The following ARHGEF3 variants were observed in gnomAD, a reference collection of about 807,000 sequenced individuals.
ARHGEF3 encodes the protein Rho guanine nucleotide exchange factor 3.
Under a neutral mutation model 63.2 loss-of-function variants are expected in ARHGEF3, and 28 were observed. The ratio of observed to expected loss-of-function variants is 0.44; its 90% confidence interval spans 0.33 to 0.61. The LOEUF is 0.61. ARHGEF3 is among the 20% of genes least tolerant of loss of function. ARHGEF3 has a pLI of 0.03. For synonymous variants in ARHGEF3, 266 were observed against 254.2 expected (o/e 1.05, Z -0.44); for missense variants, 533 against 659.3 (o/e 0.81, Z 2.10).
Position 57,012,232 on chromosome 3 carries a change from G to A in ARHGEF3, c.62+22856C>T, listed in dbSNP as rs376757011. Among the ~76,000 whole-genome samples, 29 of 152,238 alleles carry A rather than the reference G, an allele frequency of 1.9e-4. No individual in the cohort carries two copies. The South Asian group carries it at 4.4e-3, about 23-fold the overall frequency. Reference sequence around the variant, plus strand: ...TCAGCACTTAAATCTGTACCTGGTCGTGAACTAAGCCCTCTTTTGTTATTG... The same window carrying A: ...TCAGCACTTAAATCTGTACCTGGTCATGAACTAAGCCCTCTTTTGTTATTG... On this transcript the variant is annotated intron_variant, in intron 2 of 12. Transcript: ENST00000338458.
chr3:56,925,889 C>T (rs1423268175), intron 3 of ARHGEF3, among the ~76,000 whole-genome samples: 2 of 152,212 alleles, frequency 1.3e-5, no homozygotes, highest in African/African-American at 2.4e-5. Flanking sequence ...TGGTATTCTA[C>T]CCATCACCCA....
chr3:56,777,181 G>C (rs375245663), intron 1 of ARHGEF3, among the ~76,000 whole-genome samples: 7 of 152,148 alleles, frequency 4.6e-5, no homozygotes, highest in African/African-American at 1.7e-4. Context: ...CCTTTAACAC[G>C]CAGAGAAAGT....
chr3:57,067,953 G>A (rs1320840402), intron 1 of ARHGEF3, among the ~76,000 whole-genome samples: 5 of 151,936 alleles, frequency 3.3e-5, no homozygotes, highest in Admixed American at 3.3e-4. Context: ...TCACACCACT[G>A]CACTCCAGCC....
chr3:57,059,963 T>A (rs1191026690), intron 1 of ARHGEF3, among the ~76,000 whole-genome samples: 4 of 151,554 alleles, frequency 2.6e-5, no homozygotes. Flanking sequence ...GCCATTGCAC[T>A]CCAGCCTGGG....
chr3:56,954,133 A>T (rs1375481459), intron 3 of ARHGEF3, among the ~76,000 whole-genome samples: 1 of 152,174 alleles, frequency 6.6e-6, no homozygotes, highest in African/African-American at 2.4e-5. Flanking sequence ...GACAAGACAA[A>T]AAGGGCTCTG....
intron 1 of ARHGEF3, among the ~76,000 whole-genome samples, chr3:56,793,209 G>A (rs1190453934): frequency 1.2e-4 from 17 of 145,910 alleles, no homozygotes; most frequent in Non-Finnish European, 6.0e-5. Flanking sequence ...TTGCTCTGTC[G>A]CCCAGGCTGG....
chr3:57,075,781 G>C (rs1296245282), intron 1 of ARHGEF3, among the ~76,000 whole-genome samples: 1 of 152,236 alleles, frequency 6.6e-6, no homozygotes, highest in African/African-American at 2.4e-5. Context: ...CTGCATGCCA[G>C]CCTGGGCAAG....
intron 2 of ARHGEF3, among the ~76,000 whole-genome samples, chr3:57,011,508 G>A (rs577596276): frequency 3.4e-4 from 52 of 152,066 alleles, no homozygotes; most frequent in Middle Eastern, 3.2e-3. Context: ...GGAATCTAGT[G>A]GGGAGAGGCC....
intron 4 of ARHGEF3, among the ~76,000 whole-genome samples, chr3:56,807,134 C>T (rs2037891910): frequency 6.6e-6 from 1 of 152,170 alleles, no homozygotes; most frequent in East Asian, 1.9e-4. Context: ...ATCTGCCCCG[C>T]CTTGGCCTCC....
intron 4 of ARHGEF3, among the ~76,000 whole-genome samples, chr3:56,824,858 A>G (rs1260413005): frequency 1.3e-5 from 2 of 152,256 alleles, no homozygotes; most frequent in Non-Finnish European, 2.9e-5. Context: ...AGCTAATGAT[A>G]TAACAGGATT....
chr3:56,855,407 G>A (rs2039835746), intron 4 of ARHGEF3, among the ~76,000 whole-genome samples: 1 of 151,854 alleles, frequency 6.6e-6, no homozygotes, highest in Non-Finnish European at 1.5e-5. Flanking sequence ...GTCTGGGCTG[G>A]GCGTGGTGGT....
intron 2 of ARHGEF3, among the ~76,000 whole-genome samples, chr3:56,970,934 C>A (rs3897952): frequency 0.14 from 20,681 of 152,122 alleles, 1,559 homozygotes; most frequent in East Asian, 0.25. Context: ...AACAAGACCC[C>A]CCTCTCACAG....
chr3:57,032,677 A>T (rs919655574), intron 2 of ARHGEF3, among the ~76,000 whole-genome samples: 8 of 152,238 alleles, frequency 5.3e-5, no homozygotes, highest in Non-Finnish European at 7.3e-5. Context: ...AGAGGCTGAC[A>T]TAGTAAATTC....
At chr3:57,057,032 G>A (rs1280669758) in intron 1 of ARHGEF3, among the ~76,000 whole-genome samples, 1 of 151,890 alleles carries the variant, frequency 6.6e-6, no homozygotes, top group Non-Finnish European at 1.5e-5. Context: ...CTGCCCCCTT[G>A]GTAGTACCTC....
At chr3:57,037,484 CT>C (rs2107237403) in intron 1 of ARHGEF3, among the ~76,000 whole-genome samples, 1 of 152,300 alleles carries the variant, frequency 6.6e-6, no homozygotes, top group South Asian at 2.1e-4. Flanking sequence ...GGATCAGGGC[CT>C]GCCTTTGAGG....
intron 4 of ARHGEF3, among the ~76,000 whole-genome samples, chr3:56,818,505 T>G (rs563569678): frequency 6.6e-6 from 1 of 152,194 alleles, no homozygotes; most frequent in Non-Finnish European, 1.5e-5. Context: ...TAGATGCTGA[T>G]AGAACTGAAT....
At chr3:56,993,952 T>C (rs1701866199) in intron 2 of ARHGEF3, among the ~76,000 whole-genome samples, 1 of 150,336 alleles carries the variant, frequency 6.7e-6, no homozygotes, top group Admixed American at 6.6e-5. Flanking sequence ...TAATCCCAGC[T>C]ACTCAGGAGG....
chr3:56,911,862 A>C (rs1387782838), intron 3 of ARHGEF3, among the ~76,000 whole-genome samples: 1 of 151,906 alleles, frequency 6.6e-6, no homozygotes. Context: ...GAGCCCAAAA[A>C]GTGAAGGCTG....
intron 3 of ARHGEF3, among the ~76,000 whole-genome samples, chr3:56,924,723 G>A (rs1052695891): frequency 2.0e-5 from 3 of 152,148 alleles, no homozygotes; most frequent in African/African-American, 7.2e-5. Flanking sequence ...TGCCATCTTG[G>A]TTTTGGTGGG....
Sources: gnomAD v4.1 joint callset for allele counts (sites outside exome capture counted in the v4.1 genomes callset) on GRCh38, gnomAD v4.1.1 for gene constraint, MANE v1.5 for transcripts, NCBI Gene and HGNC (gene_info 2026-07-23, HGNC 2026-07-21) for gene names.